Variants in PBX1 observed in about 807,000 individuals in gnomAD.
The protein encoded by PBX1 is PBX homeobox 1.
Under a neutral mutation model 53.4 loss-of-function variants are expected in PBX1, and 6 were observed. The observed-to-expected ratio is 0.11, with a 90% CI of 0.06 to 0.22. The LOEUF is 0.22. Among genes scored for constraint, PBX1 ranks in the 10% least tolerant of loss-of-function variants. The pLI is 1.00. For synonymous variants in PBX1, 204 were observed against 212.3 expected (o/e 0.96, Z 0.34); for missense variants, 251 against 551.4 (o/e 0.46, Z 5.46).
intron 2 of PBX1, among the ~76,000 whole-genome samples, chr1:164,566,282 G>T (rs1225513102): frequency 6.6e-6 from 1 of 152,148 alleles, no homozygotes; most frequent in Non-Finnish European, 1.5e-5. Flanking sequence ...AAGAACCCAT[G>T]CATCTTCTTG....
At chr1:164,771,351 AGCCACACCAAGGAGGGTG>A (rs891388249) in intron 2 of PBX1, 2 of 152,002 alleles carry the variant, frequency 1.3e-5, no homozygotes, top group Admixed American at 1.3e-4. Context: ...TGAAGTTCCA[AGCCACACCAAGGAGGGTG>A]GCTGCCTTTC....
At chr1:164,582,120 A>G (rs1249518407) in intron 2 of PBX1, among the ~76,000 whole-genome samples, 1 of 152,222 alleles carries the variant, frequency 6.6e-6, no homozygotes, top group Non-Finnish European at 1.5e-5. Context: ...CATGCAAGGG[A>G]ATGTTAGTAT....
At chr1:164,643,012 T>C (rs1251430703) in intron 2 of PBX1, among the ~76,000 whole-genome samples, 1 of 152,142 alleles carries the variant, frequency 6.6e-6, no homozygotes, top group Non-Finnish European at 1.5e-5. Flanking sequence ...ATCAGTATAT[T>C]TCACTGGGAG....
intron 2 of PBX1, among the ~76,000 whole-genome samples, chr1:164,867,184 C>G (rs1333101341): frequency 6.6e-6 from 1 of 152,158 alleles, no homozygotes; most frequent in Non-Finnish European, 1.5e-5. Flanking sequence ...TTATTCAAAC[C>G]TCTCTGAGAC....
intron 6 of PBX1, among the ~76,000 whole-genome samples, chr1:164,812,445 A>T (rs146293516): frequency 1.3e-5 from 2 of 152,300 alleles, no homozygotes; most frequent in East Asian, 3.9e-4. Flanking sequence ...CCTCTCAGGG[A>T]TATCAATAAG....
Position 164,851,397 on chromosome 1 carries a change from G to T in PBX1, c.*4721G>T, listed in dbSNP as rs1671834314. On this transcript the variant is annotated 3_prime_UTR_variant, in exon 9 of 9. Coordinates refer to ENST00000420696, the MANE Select transcript of PBX1 (RefSeq NM_002585.4). ...CTTGAAGTCACAACAAAATAATGATGAGCTTTTCACATCACCTTTATGGTT... is the reference window on the plus strand; with the variant it reads ...CTTGAAGTCACAACAAAATAATGATTAGCTTTTCACATCACCTTTATGGTT... 4.9e-6 allele frequency: 1 copy of T among 203,386 alleles called. No individual in the cohort carries two copies. The highest frequency in any genetic ancestry group is 6.0e-5 in the Admixed American group (1 of 16,716). 12.6% of individuals were successfully genotyped at this position (203,386 alleles called of 1,614,324 possible). A position where few individuals can be genotyped will look rare whatever the true frequency, so the allele number is the denominator to read the frequency against.
chr1:164,639,705 C>G (rs1004304250), intron 2 of PBX1: 1 of 152,238 alleles, frequency 6.6e-6, no homozygotes, highest in African/African-American at 2.4e-5. Context: ...CTCTGTCACT[C>G]AGGCTGGAGT....
At chr1:164,857,443 G>A (rs573146556) in intron 2 of PBX1, among the ~76,000 whole-genome samples, 2 of 152,232 alleles carry the variant, frequency 1.3e-5, no homozygotes, top group African/African-American at 2.4e-5. Flanking sequence ...GAAACCCATT[G>A]TTTAGGGATC....
chr1:164,592,111 G>T (rs904556453), intron 2 of PBX1, among the ~76,000 whole-genome samples: 1 of 150,360 alleles, frequency 6.7e-6, no homozygotes, highest in Admixed American at 6.7e-5. Flanking sequence ...GGGGATGGGG[G>T]TTGGGAAGCT....
chr1:164,648,051 G>T (rs1571143699), intron 2 of PBX1, among the ~76,000 whole-genome samples: 1 of 152,020 alleles, frequency 6.6e-6, no homozygotes, highest in Admixed American at 6.5e-5. Flanking sequence ...TCCTGACCTC[G>T]TGATCTGCCC....
At chr1:164,581,613 A>G (rs1437752068) in intron 2 of PBX1, among the ~76,000 whole-genome samples, 1 of 152,204 alleles carries the variant, frequency 6.6e-6, no homozygotes, top group Non-Finnish European at 1.5e-5. Context: ...ACAGCCTGGT[A>G]TGCAGGACCA....
chr1:164,560,390 A>C (rs538679611), intron 1 of PBX1: 5 of 395,228 alleles, frequency 1.3e-5, no homozygotes, highest in Non-Finnish European at 2.2e-5. Context: ...TTTGAACAGC[A>C]TTCCATGCCT....
Position 164,601,580 on chromosome 1 carries a change from C to A in PBX1, c.265+38269C>A, listed in dbSNP as rs546576152. ...GAGGAGGTGGGAATGAGGGAGTACACAGACTTTAGCTTAAACTGTGGCAGG... is the reference window on the plus strand; with the variant it reads ...GAGGAGGTGGGAATGAGGGAGTACAAAGACTTTAGCTTAAACTGTGGCAGG... On this transcript the variant is annotated intron_variant, in intron 2 of 8. Transcript: ENST00000420696. Among the ~76,000 whole-genome samples the A allele has an allele frequency of 2.0e-5, 3 of 152,272 alleles. No individual in the cohort carries two copies. The East Asian group carries it at 5.8e-4, about 29-fold the overall frequency.
intron 2 of PBX1, among the ~76,000 whole-genome samples, chr1:164,737,171 G>A (rs1464443725): frequency 6.6e-6 from 1 of 152,126 alleles, no homozygotes; most frequent in African/African-American, 2.4e-5. Context: ...CACCAGAAAA[G>A]CTCCAAGTAC....
In PBX1 at chr1:164,849,377, T is replaced by C. The variant is rs1468394184; in HGVS notation, c.*2701T>C. On this transcript the variant is annotated 3_prime_UTR_variant, in exon 9 of 9. Transcript: ENST00000420696. Reference sequence around the variant, plus strand: ...CACCCCCGGCAAGCCCACTATCACTTCCGACTTCCAACGTGGCATCCGTGA... The same window carrying C: ...CACCCCCGGCAAGCCCACTATCACTCCCGACTTCCAACGTGGCATCCGTGA... The C allele has an allele frequency of 6.5e-7, 1 of 1,535,534 alleles. No individual in the cohort carries two copies. The highest frequency in any genetic ancestry group is 8.7e-7 in the Non-Finnish European group (1 of 1,146,788).
intron 2 of PBX1, among the ~76,000 whole-genome samples, chr1:164,787,235 C>A (rs1410950238): frequency 2.0e-5 from 3 of 152,134 alleles, no homozygotes; most frequent in African/African-American, 7.2e-5. Flanking sequence ...TGGGAGGCTA[C>A]CTTGTGCCTT....
chr1:164,844,688 C>T (rs1382442670), intron 8 of PBX1, among the ~76,000 whole-genome samples: 1 of 152,162 alleles, frequency 6.6e-6, no homozygotes, highest in African/African-American at 2.4e-5. Flanking sequence ...CATTCTTAGT[C>T]AGCCTAAAAT....
intron 2 of PBX1, among the ~76,000 whole-genome samples, chr1:164,595,119 G>A (rs1655665495): frequency 6.6e-6 from 1 of 152,184 alleles, no homozygotes; most frequent in Non-Finnish European, 1.5e-5. Flanking sequence ...TGAACCTAGA[G>A]TTATATTGTA....
chr1:164,636,144 TTC>T (rs1227186045), intron 2 of PBX1, among the ~76,000 whole-genome samples: 3 of 148,282 alleles, frequency 2.0e-5, no homozygotes, highest in African/African-American at 7.4e-5. Flanking sequence ...CCCAGCATCT[TTC>T]TCTCTCTCTC....
Sources: gnomAD v4.1 joint callset for allele counts (sites outside exome capture counted in the v4.1 genomes callset) on GRCh38, gnomAD v4.1.1 for gene constraint, MANE v1.5 for transcripts, NCBI Gene and HGNC (gene_info 2026-07-23, HGNC 2026-07-21) for gene names.